RPS6KA5: variants seen among roughly 807,000 people sequenced by gnomAD.
The protein encoded by RPS6KA5 is ribosomal protein S6 kinase alpha-5.
Under a neutral mutation model 85.5 loss-of-function variants are expected in RPS6KA5, and 27 were observed. The ratio of observed to expected loss-of-function variants is 0.32; its 90% CI spans 0.23 to 0.44. The LOEUF is 0.44. Ranked by LOEUF, RPS6KA5 falls within the 20% of genes least tolerant of loss-of-function variation. The pLI is 1.00. For missense variants in RPS6KA5, 811 were observed against 980.9 expected (o/e 0.83, Z 2.31); for synonymous variants, 334 against 348.2 (o/e 0.96, Z 0.46).
chr14:90,999,505 A>C (rs1370343167), intron 2 of RPS6KA5, among the ~76,000 whole-genome samples: 2 of 151,870 alleles, frequency 1.3e-5, no homozygotes, highest in Non-Finnish European at 2.9e-5. Context: ...GAGAATGGGG[A>C]GGAGGAGGGG....
At chr14:90,896,835 C>G (rs912602614) in intron 12 of RPS6KA5, among the ~76,000 whole-genome samples, 1 of 152,120 alleles carries the variant, frequency 6.6e-6, no homozygotes, top group African/African-American at 2.4e-5. Context: ...ATTATCCCAC[C>G]TCAGCCTCCA....
Position 90,871,962 on chromosome 14 carries a change from G to T in RPS6KA5, c.*112C>A. ...GTTTTCCTGAAAAAAATCATTAGGAGGCAGATTCCAATGAGACCAACGGGA... is the reference window on the plus strand; with the variant it reads ...GTTTTCCTGAAAAAAATCATTAGGATGCAGATTCCAATGAGACCAACGGGA... On this transcript the variant is annotated 3_prime_UTR_variant, in exon 17 of 17. Coordinates refer to ENST00000614987, the MANE Select transcript of RPS6KA5 (RefSeq NM_004755.4). 7.3e-7 allele frequency: 1 copy of T among 1,369,896 alleles called. No homozygotes were observed. The allele number at this position is 1,369,896 out of a possible 1,614,324, so 84.9% of individuals were successfully genotyped here. A position where few individuals can be genotyped will look rare whatever the true frequency, so the allele number is the denominator to read the frequency against.
At chr14:90,954,721 A>AGTG (rs1043420592) in intron 3 of RPS6KA5, among the ~76,000 whole-genome samples, 13 of 152,006 alleles carry the variant, frequency 8.6e-5, no homozygotes, top group African/African-American at 2.2e-4. Flanking sequence ...GCCTGTGGGT[A>AGTG]GTGGTGGTGG....
Position 90,864,084 on chromosome 14 carries a change from A to G in RPS6KA5, c.*7990T>C, listed in dbSNP as rs1482892165. ...CTTTGGCTACTATTTCACATCATAT[A>G]CAAATATCAGCAGTAGATGGACTGT... On this transcript the variant is annotated 3_prime_UTR_variant, in exon 17 of 17. Coordinates refer to ENST00000614987, the MANE Select transcript of RPS6KA5 (RefSeq NM_004755.4). 2 of 152,258 alleles carry G rather than the reference A, an allele frequency of 1.3e-5. No individual in the cohort carries two copies. The highest frequency in any genetic ancestry group is 4.8e-5 in the African/African-American group (2 of 41,464). The allele number at this position is 152,258 out of a possible 1,614,324, so 9.4% of individuals were successfully genotyped here.
At chr14:91,001,034 T>A in intron 2 of RPS6KA5, 54 bp downstream of exon 2, 1 of 989,530 alleles carries the variant, frequency 1.0e-6, no homozygotes, top group Non-Finnish European at 1.5e-6. Flanking sequence ...TCCTTCATCA[T>A]AGGAATAATA....
intron 1 of RPS6KA5, among the ~76,000 whole-genome samples, chr14:91,039,623 C>G (rs2139880916): frequency 6.6e-6 from 1 of 152,310 alleles, no homozygotes; most frequent in East Asian, 1.9e-4. Context: ...CACCAGAGAA[C>G]TAAGCCTTGG....
chr14:91,003,789 T>A (rs1476688591), intron 1 of RPS6KA5, among the ~76,000 whole-genome samples: 1 of 152,334 alleles, frequency 6.6e-6, no homozygotes, highest in East Asian at 1.9e-4. Flanking sequence ...AACTCAAGAA[T>A]GCTGGTCCTG....
chr14:90,993,445 AAAC>A (rs151084041), intron 2 of RPS6KA5, among the ~76,000 whole-genome samples: 2,154 of 152,254 alleles, frequency 0.014, 62 homozygotes, highest in African/African-American at 0.05. Flanking sequence ...GTCTCAAAAA[AAAC>A]AACAAGACAG....
intron 14 of RPS6KA5, among the ~76,000 whole-genome samples, chr14:90,878,727 C>A (rs193232283): frequency 1.3e-5 from 2 of 152,284 alleles, no homozygotes; most frequent in East Asian, 3.9e-4. Flanking sequence ...ACCTACTGTA[C>A]CTTGCACCAC....
chr14:91,060,322 G>A lies in RPS6KA5; in HGVS notation c.103+10C>T, dbSNP rs772913862. 197 of 1,321,680 alleles carry A rather than the reference G, an allele frequency of 1.5e-4. No homozygotes were observed. The highest frequency in any genetic ancestry group is 3.6e-4 in the Admixed American group (12 of 32,910). 81.9% of individuals were successfully genotyped at this position (1,321,680 alleles called of 1,614,324 possible). ...GCCGGGCCCGGCCGGCAGAGGGCGG[G>A]GTCGCTCACCAGTCCGCAGCTCGTG... On this transcript the variant is annotated intron_variant, in intron 1 of 16. Transcript: ENST00000614987.
intron 2 of RPS6KA5, among the ~76,000 whole-genome samples, chr14:90,987,478 C>A (rs2040104045): frequency 6.6e-6 from 1 of 151,980 alleles, no homozygotes; most frequent in African/African-American, 2.4e-5. Context: ...ATGTGTTACT[C>A]TAAATCTGTA....
chr14:91,004,096 A>AT (rs2040901784), intron 1 of RPS6KA5, among the ~76,000 whole-genome samples: 1 of 151,566 alleles, frequency 6.6e-6, no homozygotes, highest in Admixed American at 6.6e-5. Context: ...TTGTTTTTTG[A>AT]TTTTTTTGAG....
intron 3 of RPS6KA5, among the ~76,000 whole-genome samples, chr14:90,951,914 C>A (rs1401577250): frequency 6.6e-6 from 1 of 152,166 alleles, no homozygotes; most frequent in Non-Finnish European, 1.5e-5. Flanking sequence ...CCCACTACCA[C>A]CCCTCACATC....
intron 1 of RPS6KA5, among the ~76,000 whole-genome samples, chr14:91,035,004 A>G (rs748006446): frequency 1.3e-5 from 2 of 152,184 alleles, no homozygotes; most frequent in African/African-American, 2.4e-5. Flanking sequence ...ATTACAATGC[A>G]ATATAACAAA....
chr14:90,991,770 C>T (rs967750867), intron 2 of RPS6KA5, among the ~76,000 whole-genome samples: 4 of 149,170 alleles, frequency 2.7e-5, no homozygotes, highest in Non-Finnish European at 5.9e-5. Context: ...CAAAAAGAAT[C>T]CAAAATTATT....
chr14:90,932,815 GTAT>G (rs1375518844), intron 5 of RPS6KA5, among the ~76,000 whole-genome samples: 3 of 152,282 alleles, frequency 2.0e-5, no homozygotes, highest in African/African-American at 7.2e-5. Flanking sequence ...TTTACCTGCT[GTAT>G]TATTATAGGA....
At chr14:90,966,968 A>G (rs963238967) in intron 3 of RPS6KA5, among the ~76,000 whole-genome samples, 2 of 152,242 alleles carry the variant, frequency 1.3e-5, no homozygotes, top group Non-Finnish European at 2.9e-5. Flanking sequence ...ATAAGTCTTC[A>G]GACTTATTCT....
At chr14:90,950,046 T>C (rs1413844547) in intron 3 of RPS6KA5, among the ~76,000 whole-genome samples, 2 of 152,220 alleles carry the variant, frequency 1.3e-5, no homozygotes, top group Non-Finnish European at 2.9e-5. Flanking sequence ...GTGGTGAGCA[T>C]AGCTGCCTTG....
At chr14:90,899,474 A>G in intron 11 of RPS6KA5, 52 bp from the exon 12 acceptor site, 1 of 1,219,556 alleles carries the variant, frequency 8.2e-7, no homozygotes, top group Non-Finnish European at 1.2e-6. Context: ...AAGTTTTTAT[A>G]TCAGTACTGC....
Sources: gnomAD v4.1 joint callset for allele counts (sites outside exome capture counted in the v4.1 genomes callset) on GRCh38, gnomAD v4.1.1 for gene constraint, MANE v1.5 for transcripts, NCBI Gene and HGNC (gene_info 2026-07-23, HGNC 2026-07-21) for gene names.